The following NTM variants were observed in gnomAD, a reference collection of about 807,000 sequenced individuals.
NTM encodes the protein IgLON family member 2.
A neutral mutation model predicts 42.1 loss-of-function variants in NTM; 13 were observed. The observed-to-expected ratio is 0.31, with a 90% confidence interval of 0.20 to 0.49. The LOEUF (loss-of-function observed/expected upper bound fraction) is 0.49. NTM is among the 20% of genes least tolerant of loss of function. The probability of loss-of-function intolerance (pLI) is 0.99; values close to 1 mark genes in which losing one functional copy is unlikely to be tolerated. For synonymous variants in NTM, 187 were observed against 179.2 expected, an observed-to-expected ratio of 1.04 and a Z score of -0.35; for missense variants, 373 against 452.8, an observed-to-expected ratio of 0.82 and a Z score of 1.60.
Position 132,289,747 on chromosome 11 carries a change from G to C in NTM, c.527-17942G>C, listed in dbSNP as rs532010023. Among the ~76,000 whole-genome samples, 3 of 152,256 alleles carry C rather than the reference G, an allele frequency of 2.0e-5. No individual in the cohort carries two copies. In the East Asian group the frequency reaches 5.8e-4, roughly 29 times the overall value. ...TTTTTTTAGAGTTTTAGATGTCTTT[G>C]TGGCCACTGCTGCTACTATCACCAC... On this transcript the variant is annotated intron_variant, in intron 4 of 8. Transcript: ENST00000683400.
intron 1 of NTM, among the ~76,000 whole-genome samples, chr11:131,464,084 GAGA>G (rs945700339): frequency 1.8e-4 from 28 of 152,298 alleles, no homozygotes; most frequent in African/African-American, 6.3e-4. Context: ...CCTCTCTCTG[GAGA>G]TTGTGGATGA....
intron 1 of NTM, among the ~76,000 whole-genome samples, chr11:131,756,257 G>A (rs922967548): frequency 5.9e-5 from 9 of 152,158 alleles, no homozygotes; most frequent in African/African-American, 2.2e-4. Context: ...AGCGGTGGAG[G>A]TACTCCAGAC....
chr11:131,895,459 G>A (rs1311070904), intron 1 of NTM, among the ~76,000 whole-genome samples: 1 of 152,038 alleles, frequency 6.6e-6, no homozygotes, highest in Non-Finnish European at 1.5e-5. Context: ...TATTTCAATG[G>A]ATATTTGTTG....
At chr11:132,015,067 G>C (rs1260422190) in intron 2 of NTM, among the ~76,000 whole-genome samples, 1 of 151,736 alleles carries the variant, frequency 6.6e-6, no homozygotes, top group Non-Finnish European at 1.5e-5. Context: ...ATGGTTTTTT[G>C]ATATGATGAG....
At chr11:131,421,579 C>T (rs1192015141) in intron 1 of NTM, among the ~76,000 whole-genome samples, 2 of 152,280 alleles carry the variant, frequency 1.3e-5, no homozygotes, top group African/African-American at 4.8e-5. Context: ...CAGTTCCAGC[C>T]GGTTTCCCTA....
chr11:131,384,589 TGGGCAG>T (rs770286897), intron 1 of NTM, among the ~76,000 whole-genome samples: 2 of 151,674 alleles, frequency 1.3e-5, no homozygotes, highest in Non-Finnish European at 2.9e-5. Flanking sequence ...GTGAGTGAGA[TGGGCAG>T]GGGCCAGGGA....
intron 2 of NTM, among the ~76,000 whole-genome samples, chr11:132,047,705 C>T (rs887978132): frequency 3.3e-5 from 5 of 152,198 alleles, no homozygotes; most frequent in Non-Finnish European, 5.9e-5. Context: ...AGACACATGC[C>T]CTCCACAGGC....
intron 1 of NTM, among the ~76,000 whole-genome samples, chr11:131,444,882 A>G (rs1949925667): frequency 6.6e-6 from 1 of 152,188 alleles, no homozygotes. Flanking sequence ...GATGATGAGA[A>G]ATAGTGAGAT....
At chr11:132,236,017 C>G (rs1480953688) in intron 4 of NTM, among the ~76,000 whole-genome samples, 1 of 147,762 alleles carries the variant, frequency 6.8e-6, no homozygotes, top group Non-Finnish European at 1.5e-5. Context: ...CACACACACA[C>G]ACACAACAAA....
At chr11:132,251,227 G>A (rs1200924890) in intron 4 of NTM, among the ~76,000 whole-genome samples, 1 of 152,182 alleles carries the variant, frequency 6.6e-6, no homozygotes, top group African/African-American at 2.4e-5. Flanking sequence ...TCAAAAGGGT[G>A]TTGGGCTTTG....
At chr11:132,112,151 T>C (rs2063296566) in intron 2 of NTM, among the ~76,000 whole-genome samples, 1 of 152,226 alleles carries the variant, frequency 6.6e-6, no homozygotes, top group Non-Finnish European at 1.5e-5. Context: ...TGGTGCATTC[T>C]AGTTCGGATT....
intron 2 of NTM, among the ~76,000 whole-genome samples, chr11:132,040,043 GCCTC>G (rs1271925634): frequency 5.3e-5 from 8 of 151,936 alleles, no homozygotes; most frequent in Non-Finnish European, 2.9e-5. Context: ...TCCTGCCTCA[GCCTC>G]CCTCTGGAGT....
chr11:131,556,428 AAGTC>A (rs1311032008), intron 1 of NTM, among the ~76,000 whole-genome samples: 1 of 152,220 alleles, frequency 6.6e-6, no homozygotes, highest in Non-Finnish European at 1.5e-5. Flanking sequence ...AATAATTAAT[AAGTC>A]AGAGTACCCA....
intron 1 of NTM, among the ~76,000 whole-genome samples, chr11:131,828,537 C>T (rs1433053864): frequency 1.3e-5 from 2 of 151,988 alleles, no homozygotes; most frequent in African/African-American, 4.8e-5. Flanking sequence ...AACACCTTCA[C>T]CATTAATTCT....
chr11:132,252,829 T>C (rs1296570600), intron 4 of NTM, among the ~76,000 whole-genome samples: 1 of 152,208 alleles, frequency 6.6e-6, no homozygotes, highest in Admixed American at 6.5e-5. Context: ...AGGAAAAATG[T>C]ACCTTGGTTA....
At chr11:132,032,471 A>G (rs1484648698) in intron 2 of NTM, among the ~76,000 whole-genome samples, 2 of 152,186 alleles carry the variant, frequency 1.3e-5, no homozygotes, top group Non-Finnish European at 2.9e-5. Flanking sequence ...TTCCAACTAC[A>G]TGTAGGATAT....
chr11:131,773,307 A>G (rs2086432413), intron 1 of NTM, among the ~76,000 whole-genome samples: 1 of 152,202 alleles, frequency 6.6e-6, no homozygotes, highest in Non-Finnish European at 1.5e-5. Context: ...TCGTGAACTA[A>G]TCACATCCCC....
In NTM at chr11:131,401,816, A is replaced by ATATATATATATATGTG. The variant is rs1565465248; in HGVS notation, c.82+30941_82+30942insGTGTATATATATATAT. Among the ~76,000 whole-genome samples the ATATATATATATATGTG allele has an allele frequency of 6.3e-3, 211 of 33,256 alleles. 22 individuals are homozygous for ATATATATATATATGTG. Among genetic ancestry groups the ATATATATATATATGTG allele is most frequent in the Middle Eastern group, 0.015 (1 of 68 alleles). The allele number at this position is 33,256 out of a possible 152,430, so 21.8% of individuals were successfully genotyped here. A position where few individuals can be genotyped will look rare whatever the true frequency, so the allele number is the denominator to read the frequency against. ...CCACTGGAAATATATATATATATAT[A>ATATATATATATATGTG]TATATATATATATATATATATATAT... On this transcript the variant is annotated intron_variant, in intron 1 of 8. Coordinates refer to ENST00000683400, the MANE Select transcript of NTM (RefSeq NM_001352005.2).
At chr11:132,077,516 A>T (rs2058518970) in intron 2 of NTM, among the ~76,000 whole-genome samples, 1 of 152,138 alleles carries the variant, frequency 6.6e-6, no homozygotes, top group Non-Finnish European at 1.5e-5. Flanking sequence ...AACCCCCACT[A>T]TCTAACCCCC....
Sources: allele counts gnomAD v4.1 joint callset (sites outside exome capture counted in the v4.1 genomes callset), GRCh38; gene constraint gnomAD v4.1.1; transcripts MANE v1.5; gene names NCBI Gene and HGNC (gene_info 2026-07-23, HGNC 2026-07-21).